CACNA1B: variants seen among roughly 807,000 people sequenced by gnomAD.
CACNA1B encodes calcium voltage-gated channel subunit alpha1 B.
In CACNA1B, 70 loss-of-function variants were observed where a neutral mutation model predicts 247.2. The observed-to-expected ratio is 0.28, with a 90% CI of 0.23 to 0.35. CACNA1B has a LOEUF of 0.35. Ranked by LOEUF, CACNA1B falls within the 10% of genes least tolerant of loss-of-function variation. CACNA1B has a pLI of 1.00. For synonymous variants in CACNA1B, 1,231 were observed against 1,294.4 expected (o/e 0.95, Z 1.05); for missense variants, 2,367 against 3,197.4 (o/e 0.74, Z 6.26).
At chr9:137,918,429 A>G (rs1355894285) in intron 6 of CACNA1B, among the ~76,000 whole-genome samples, 2 of 152,138 alleles carry the variant, frequency 1.3e-5, no homozygotes, top group African/African-American at 2.4e-5. Context: ...GAGAAGGGTC[A>G]GGCGCCTGTG....
chr9:138,024,592 G>C (rs1164903675), intron 19 of CACNA1B, among the ~76,000 whole-genome samples: 3 of 152,172 alleles, frequency 2.0e-5, no homozygotes, highest in Non-Finnish European at 4.4e-5. Context: ...CTGCATGGAG[G>C]CTTAAGGGTT....
chr9:137,984,313 C>T (rs931906658), intron 13 of CACNA1B, 63 bp downstream of exon 13: 8 of 1,174,476 alleles, frequency 6.8e-6, no homozygotes, highest in Non-Finnish European at 9.9e-6. Context: ...GGATCAGCCA[C>T]ACAGGGTGCT....
chr9:138,119,401 T>C (rs1391024078), intron 44 of CACNA1B, among the ~76,000 whole-genome samples: 1 of 152,064 alleles, frequency 6.6e-6, no homozygotes, highest in African/African-American at 2.4e-5. Context: ...CTCCGAGGCC[T>C]CGGAGGAGCT....
At chr9:137,906,657 C>T (rs111749959) in intron 3 of CACNA1B, among the ~76,000 whole-genome samples, 78 of 151,932 alleles carry the variant, frequency 5.1e-4, no homozygotes, top group African/African-American at 1.4e-3. Context: ...ATTTAACATA[C>T]GTGTTCCCCT....
intron 3 of CACNA1B, among the ~76,000 whole-genome samples, chr9:137,901,948 C>T (rs566247062): frequency 3.7e-4 from 56 of 152,264 alleles, no homozygotes; most frequent in African/African-American, 1.3e-3. Context: ...GCCTCGACCT[C>T]CCAAAGTGCT....
At chr9:138,081,033 G>A (rs1015371794) in intron 36 of CACNA1B, among the ~76,000 whole-genome samples, 1 of 152,180 alleles carries the variant, frequency 6.6e-6, no homozygotes, top group African/African-American at 2.4e-5. Flanking sequence ...AGGGAGGGTG[G>A]GCTTTTTGGA....
intron 3 of CACNA1B, among the ~76,000 whole-genome samples, chr9:137,883,839 G>A (rs1280788556): frequency 1.3e-5 from 2 of 151,870 alleles, no homozygotes; most frequent in Non-Finnish European, 2.9e-5. Context: ...GCAGGCGAGA[G>A]CTCTCCTTCC....
At chr9:138,074,871 C>T (rs551435280) in intron 34 of CACNA1B, among the ~76,000 whole-genome samples, 39 of 152,340 alleles carry the variant, frequency 2.6e-4, no homozygotes, top group Admixed American at 1.6e-3. Context: ...GCCTGACCCG[C>T]GGCGGGGGTT....
chr9:137,985,204 A>T (rs1958342729), intron 13 of CACNA1B, among the ~76,000 whole-genome samples: 1 of 152,202 alleles, frequency 6.6e-6, no homozygotes, highest in Non-Finnish European at 1.5e-5. Context: ...GTCTTTTCCA[A>T]TCCATTTTAA....
Position 137,974,265 on chromosome 9 carries a change from T to C in CACNA1B, c.1544-1642T>C, listed in dbSNP as rs1958191984. Among the ~76,000 whole-genome samples the C allele has an allele frequency of 6.6e-6, 1 of 152,198 alleles. No homozygotes were observed. Among genetic ancestry groups the C allele is most frequent in the Admixed American group, 6.5e-5 (1 of 15,286 alleles). Reference sequence around the variant, plus strand: ...TCTCAGTTGAGGGTGGATCCTTCCATTCCCGAGCAGCCCTGCCTGAGGGTC... The same window carrying C: ...TCTCAGTTGAGGGTGGATCCTTCCACTCCCGAGCAGCCCTGCCTGAGGGTC... On this transcript the variant is annotated intron_variant, in intron 11 of 46. Coordinates refer to ENST00000371372, the MANE Select transcript of CACNA1B (RefSeq NM_000718.4). The surrounding 1 kb of genome is among the most constrained non-coding windows in gnomAD (Gnocchi z 4.5).
chr9:137,985,891 G>A (rs1055340648), intron 13 of CACNA1B, among the ~76,000 whole-genome samples: 1 of 152,218 alleles, frequency 6.6e-6, no homozygotes, highest in Non-Finnish European at 1.5e-5. Context: ...AGCTCTCCAC[G>A]CCGCGTGTCC....
Position 138,010,325 on chromosome 9 carries a change from C to T in CACNA1B, c.2160+248C>T, listed in dbSNP as rs115199079. On this transcript the variant is annotated intron_variant, in intron 17 of 46. Transcript: ENST00000371372. This position sits in a 1 kb window ranked among gnomAD's most constrained non-coding sequence, Gnocchi z 5.3. ...CCAGCACAGGGAAGAATGGCCTGAA[C>T]GGCAGGGTGTGCTGGGAGCAGGAGG... is the stretch of plus-strand genomic sequence containing the variant. 4.8e-3 allele frequency among the ~76,000 whole-genome samples: 736 copies of T among 152,292 alleles called. 5 individuals are homozygous for T. Among genetic ancestry groups the T allele is most frequent in the African/African-American group, 0.017 (691 of 41,548 alleles).
Position 137,882,960 on chromosome 9 carries a change from GCTGGGGC to G in CACNA1B, c.530+78_530+84del. 6.8e-7 allele frequency: 1 copy of G among 1,471,894 alleles called. No homozygotes were observed. Among genetic ancestry groups the G allele is most frequent in the Non-Finnish European group, 9.4e-7 (1 of 1,061,846 alleles). The allele number at this position is 1,471,894 out of a possible 1,614,324, so 91.2% of individuals were successfully genotyped here. On this transcript the variant is annotated intron_variant, in intron 3 of 46. Transcript: ENST00000371372. The surrounding 1 kb of genome is among the most constrained non-coding windows in gnomAD (Gnocchi z 4.0). ...CTCTGAAGCTCAGTTGCGCCGTGGA[GCTGGGGC>G]AGCTGCAGTCCCCTCACTGGGGTCC...
chr9:138,026,761 AGTTTTCAACTCATTT>A (rs1401448979), intron 20 of CACNA1B, among the ~76,000 whole-genome samples: 2 of 152,198 alleles, frequency 1.3e-5, no homozygotes, highest in Non-Finnish European at 2.9e-5. Flanking sequence ...TGTGGACATA[AGTTTTCAACTCATTT>A]GGGTAAATAC....
chr9:138,073,915 G>T lies in CACNA1B; in HGVS notation c.4792-86G>T. ...AGCTTGAGTAGGCTGAGGTCTGTGT[G>T]ACCTCAAAGGCCCAGCCACCGTAGC... On this transcript the variant is annotated intron_variant, in intron 33 of 46. Coordinates refer to ENST00000371372, the MANE Select transcript of CACNA1B (RefSeq NM_000718.4). The surrounding 1 kb of genome is among the most constrained non-coding windows in gnomAD (Gnocchi z 6.4). 9.5e-7 allele frequency: 1 copy of T among 1,057,102 alleles called. No homozygotes were observed. Among genetic ancestry groups the T allele is most frequent in the South Asian group, 1.3e-5 (1 of 79,448 alleles). The allele number at this position is 1,057,102 out of a possible 1,614,324, so 65.5% of individuals were successfully genotyped here. A position where few individuals can be genotyped will look rare whatever the true frequency, so the allele number is the denominator to read the frequency against.
intron 6 of CACNA1B, among the ~76,000 whole-genome samples, chr9:137,925,396 T>G (rs984395320): frequency 6.6e-6 from 1 of 152,232 alleles, no homozygotes; most frequent in African/African-American, 2.4e-5. Flanking sequence ...GTGGGAGAGA[T>G]GCCTCTAAGT....
At position 138,023,026 on chromosome 9, in the gene CACNA1B, G is replaced by A. The variant is rs1239562381; in HGVS notation, c.2283G>A (p.Ser761=). The change falls in exon 19 of 47, where the codon TCG becomes TCA. Residue 761 remains serine, a synonymous_variant. Transcript: ENST00000371372. ...NISIAARQQN[S]AKARSVWEQR... Reference sequence around the variant, plus strand: ...CTCCCCGCAGCAGGCAGCAGAACTCGGCCAAGGCGCGCTCGGTGTGGGAGC... The same window carrying A: ...CTCCCCGCAGCAGGCAGCAGAACTCAGCCAAGGCGCGCTCGGTGTGGGAGC... 6 of 1,516,270 alleles carry A rather than the reference G, an allele frequency of 4.0e-6. No individual in the cohort carries two copies. Among genetic ancestry groups the A allele is most frequent in the Non-Finnish European group, 5.3e-6 (6 of 1,139,244 alleles). 93.9% of individuals were successfully genotyped at this position (1,516,270 alleles called of 1,614,324 possible).
rs368979346 is a variant in CACNA1B, at chr9:137,923,859, C to T, written c.966+6428C>T. On this transcript the variant is annotated intron_variant, in intron 6 of 46. Transcript: ENST00000371372. ...TTCTGATAGGGGTATAGTGACACAT[C>T]ACTGGTTTTAATTCGCATGTCCTAA... 2.7e-4 allele frequency among the ~76,000 whole-genome samples: 41 copies of T among 152,336 alleles called. No homozygotes were observed. In the East Asian group the frequency reaches 7.5e-3, roughly 28 times the overall value.
chr9:138,017,897 T>C lies in CACNA1B; in HGVS notation c.2267+4662T>C, dbSNP rs112898962. Reference sequence around the variant, plus strand: ...TGCAGGTGAGGGGTCCCTGAAGTGGTCAGGTGCAGTTAGGCCACCTGCCCT... The same window carrying C: ...TGCAGGTGAGGGGTCCCTGAAGTGGCCAGGTGCAGTTAGGCCACCTGCCCT... On this transcript the variant is annotated intron_variant, in intron 18 of 46. Coordinates refer to ENST00000371372, the MANE Select transcript of CACNA1B (RefSeq NM_000718.4). Among the ~76,000 whole-genome samples, 871 of 148,324 alleles carry C rather than the reference T, an allele frequency of 5.9e-3. 20 individuals are homozygous for C. The highest frequency in any genetic ancestry group is 0.021 in the African/African-American group (831 of 39,256).
Sources: allele counts gnomAD v4.1 joint callset (sites outside exome capture counted in the v4.1 genomes callset), GRCh38; gene constraint gnomAD v4.1.1; non-coding constraint Gnocchi (gnomAD v3.1); transcripts MANE v1.5; gene names NCBI Gene and HGNC (gene_info 2026-07-23, HGNC 2026-07-21).